The following APOOL variants were observed in gnomAD, a reference collection of about 807,000 sequenced individuals.
APOOL encodes MICOS complex subunit MIC27.
In APOOL, 12 loss-of-function variants were observed where a neutral mutation model predicts 23.1. That is an observed-to-expected ratio of 0.52 (90% CI 0.33 to 0.84). APOOL has a LOEUF of 0.84. APOOL is among the 40% of genes least tolerant of loss of function. The probability of loss-of-function intolerance (pLI) is 0.02; values close to 1 mark genes in which losing one functional copy is unlikely to be tolerated. For synonymous variants in APOOL, 77 were observed against 69.9 expected (o/e 1.10, Z -0.51); for missense variants, 212 against 199.6 (o/e 1.06, Z -0.37).
intron 1 of APOOL, among the ~76,000 whole-genome samples, chrX:85,015,742 AT>A (rs753850952): frequency 9.1e-6 from 1 of 109,483 alleles, no homozygotes; most frequent in Non-Finnish European, 1.9e-5. Flanking sequence ...CTAATTTTGT[AT>A]TTTTATTAGA....
At chrX:85,003,977 G>C (rs1024346870) in intron 1 of APOOL, 50 bp downstream of exon 1, 17 of 1,199,866 alleles carry the variant, frequency 1.4e-5, no homozygotes, top group Non-Finnish European at 1.8e-5. Context: ...ATAGCATCCC[G>C]GTAACTGTAA....
At chrX:85,065,286 T>C (rs930490254) in intron 5 of APOOL, among the ~76,000 whole-genome samples, 4 of 111,808 alleles carry the variant, frequency 3.6e-5, no homozygotes, top group African/African-American at 1.3e-4. Context: ...GCACATGCGA[T>C]GTGTCTCTTG....
At chrX:85,082,573 A>T (rs1938761568) in intron 8 of APOOL, among the ~76,000 whole-genome samples, 1 of 111,592 alleles carries the variant, frequency 9.0e-6, no homozygotes, top group East Asian at 2.8e-4. Flanking sequence ...GTTGAAAAAA[A>T]ATCAAAGGGA....
At chrX:85,078,708 T>C (rs1646426169) in intron 8 of APOOL, among the ~76,000 whole-genome samples, 2 of 111,649 alleles carry the variant, frequency 1.8e-5, no homozygotes, top group Admixed American at 1.9e-4. Flanking sequence ...CAATATTGAT[T>C]GTTCCTATCC....
chrX:85,048,625 G>A (rs1033415723), intron 2 of APOOL, among the ~76,000 whole-genome samples: 2 of 111,680 alleles, frequency 1.8e-5, no homozygotes, highest in South Asian at 7.4e-4. Context: ...TGATTTATGC[G>A]CAACATTTCT....
At chrX:85,064,059 T>C (rs1406573766) in intron 5 of APOOL, among the ~76,000 whole-genome samples, 1 of 111,166 alleles carries the variant, frequency 9.0e-6, no homozygotes, top group African/African-American at 3.3e-5. Flanking sequence ...CAGAATGTTT[T>C]TCTGGCCTAT....
At chrX:85,076,012 T>C (rs1236920892) in intron 8 of APOOL, among the ~76,000 whole-genome samples, 1 of 111,467 alleles carries the variant, frequency 9.0e-6, no homozygotes, top group African/African-American at 3.3e-5. Flanking sequence ...GACCCTCTTC[T>C]GGCTTGTAGA....
chrX:85,073,884 A>G lies in APOOL; in HGVS notation c.487-114A>G, dbSNP rs1923750074. The G allele has an allele frequency of 8.0e-6, 4 of 497,043 alleles. No individual in the cohort carries two copies. In the Admixed American group the frequency reaches 1.4e-4, roughly 17 times the overall value. The allele number at this position is 497,043 out of a possible 1,213,427, so 41.0% of individuals were successfully genotyped here. A position where few individuals can be genotyped will look rare whatever the true frequency, so the allele number is the denominator to read the frequency against. On this transcript the variant is annotated intron_variant, in intron 6 of 8. Transcript: ENST00000373173. The stretch of plus-strand genomic sequence containing the variant: ...TGTGTTATATGATTTAGAGATTTAT[A>G]TCTTTATTGATTCTGACTTGAGTGT...
At chrX:85,016,634 A>G (rs1327555304) in intron 1 of APOOL, among the ~76,000 whole-genome samples, 1 of 79,548 alleles carries the variant, frequency 1.3e-5, no homozygotes, top group Non-Finnish European at 2.6e-5. Flanking sequence ...CTGTTGGGGA[A>G]GCCCCTGCTG....
In APOOL at chrX:85,057,324, C is replaced by T. The variant is rs1201981609; in HGVS notation, c.394+1399C>T. Among the ~76,000 whole-genome samples, 5 of 109,439 alleles carry T rather than the reference C, an allele frequency of 4.6e-5. 1 individual carries two copies. The highest frequency in any genetic ancestry group is 2.0e-4 in the Admixed American group (2 of 10,014). On this transcript the variant is annotated intron_variant, in intron 5 of 8. Transcript: ENST00000373173. ...ACTAAATTACTTATATTGGAAGGCA[C>T]AGCTCTGAGCCGGTCTGGAATCTGA...
intron 1 of APOOL, among the ~76,000 whole-genome samples, chrX:85,037,933 C>A (rs769786191): frequency 9.0e-6 from 1 of 111,326 alleles, no homozygotes. Context: ...GAATTCATGA[C>A]TAAGACCCCC....
intron 1 of APOOL, among the ~76,000 whole-genome samples, chrX:85,034,457 TG>T (rs1216256526): frequency 9.1e-6 from 1 of 110,229 alleles, no homozygotes; most frequent in Non-Finnish European, 1.9e-5. Flanking sequence ...GGCACCTGTT[TG>T]TTTTTTTTTT....
intron 1 of APOOL, among the ~76,000 whole-genome samples, chrX:85,013,381 T>G (rs1396334423): frequency 1.8e-5 from 2 of 111,742 alleles, no homozygotes; most frequent in Non-Finnish European, 3.8e-5. Flanking sequence ...TAGTTTGACC[T>G]TGTTTCTCCA....
At chrX:85,013,986 T>A (rs1000562225) in intron 1 of APOOL, among the ~76,000 whole-genome samples, 1 of 111,693 alleles carries the variant, frequency 9.0e-6, no homozygotes, top group African/African-American at 3.3e-5. Context: ...GGAATTGTTT[T>A]ATGAATTTTG....
At chrX:85,048,742 T>A (rs1055096672) in intron 2 of APOOL, among the ~76,000 whole-genome samples, 1 of 112,358 alleles carries the variant, frequency 8.9e-6, no homozygotes, top group African/African-American at 3.2e-5. Flanking sequence ...TATTTGGTTG[T>A]TTGAATCTTT....
At chrX:85,081,023 T>C (rs1032251782) in intron 8 of APOOL, among the ~76,000 whole-genome samples, 6 of 111,487 alleles carry the variant, frequency 5.4e-5, no homozygotes, top group Non-Finnish European at 7.5e-5. Flanking sequence ...TCCAGCACAC[T>C]GATGGGTCTT....
intron 6 of APOOL, among the ~76,000 whole-genome samples, chrX:85,069,873 T>C (rs1200243657): frequency 9.0e-6 from 1 of 111,491 alleles, no homozygotes; most frequent in African/African-American, 3.3e-5. Context: ...TCACCTCTAA[T>C]TTCATAGCAG....
In APOOL at chrX:85,090,419, C is replaced by A. The variant is rs1924486799; in HGVS notation, c.*2741C>A. ...AACATACAGTATCTACTACCCTATT[C>A]TTCTAACCCATTTGTCTATTATGAT... On this transcript the variant is annotated 3_prime_UTR_variant, in exon 9 of 9. Coordinates refer to ENST00000373173, the MANE Select transcript of APOOL (RefSeq NM_198450.6). 1 of 111,311 alleles carries A rather than the reference C, an allele frequency of 9.0e-6. No homozygotes were observed. The allele number at this position is 111,311 out of a possible 1,213,427, so 9.2% of individuals were successfully genotyped here. A position where few individuals can be genotyped will look rare whatever the true frequency, so the allele number is the denominator to read the frequency against.
At chrX:85,026,393 C>G (rs1176443717) in intron 1 of APOOL, among the ~76,000 whole-genome samples, 1 of 113,156 alleles carries the variant, frequency 8.8e-6, no homozygotes, top group Non-Finnish European at 1.9e-5. Context: ...AAGGCCTTTT[C>G]CCCATTGTCT....
Sources: gnomAD v4.1 joint callset for allele counts (sites outside exome capture counted in the v4.1 genomes callset) on GRCh38, gnomAD v4.1.1 for gene constraint, MANE v1.5 for transcripts, NCBI Gene and HGNC (gene_info 2026-07-23, HGNC 2026-07-21) for gene names.